The following MGAT4A variants were observed in gnomAD, a reference collection of about 807,000 sequenced individuals.
MGAT4A encodes the protein N-acetylglucosaminyltransferase IVa.
MGAT4A carries 33 observed loss-of-function variants against 74.1 expected under a neutral mutation model. The ratio of observed to expected loss-of-function variants is 0.45; its 90% CI spans 0.34 to 0.60. The LOEUF (loss-of-function observed/expected upper bound fraction) is 0.60. Among genes scored for constraint, MGAT4A ranks in the 20% least tolerant of loss-of-function variants. The pLI is 0.02. For missense variants in MGAT4A, 479 were observed against 628.3 expected (o/e 0.76, Z 2.54); for synonymous variants, 198 against 210.4 (o/e 0.94, Z 0.51).
At chr2:98,702,686 G>A (rs147237815) in intron 2 of MGAT4A, among the ~76,000 whole-genome samples, 10 of 152,290 alleles carry the variant, frequency 6.6e-5, no homozygotes, top group Non-Finnish European at 1.3e-4. Flanking sequence ...GAGCCCTACC[G>A]GCTCGAGGTG....
At chr2:98,645,392 T>C (rs768965313) in intron 9 of MGAT4A, 36 bp downstream of exon 9, 1 of 1,401,822 alleles carries the variant, frequency 7.1e-7, no homozygotes, top group Non-Finnish European at 9.7e-7. Flanking sequence ...GTCACAGTTA[T>C]TTATGAAAAG....
intron 2 of MGAT4A, among the ~76,000 whole-genome samples, chr2:98,709,544 C>T (rs1354460097): frequency 6.6e-6 from 1 of 152,090 alleles, no homozygotes; most frequent in Admixed American, 6.5e-5. Context: ...GTTTAACTTA[C>T]ACCAACTTAA....
chr2:98,684,094 G>T (rs1424143427), intron 2 of MGAT4A, among the ~76,000 whole-genome samples: 1 of 152,102 alleles, frequency 6.6e-6, no homozygotes, highest in South Asian at 2.1e-4. Flanking sequence ...ATTTTCCCTA[G>T]ACTTTTCTCC....
At chr2:98,663,487 A>C in intron 4 of MGAT4A, 5 of 1,391,602 alleles carry the variant, frequency 3.6e-6, no homozygotes, top group Non-Finnish European at 4.7e-6. Context: ...ACTTAAAAAC[A>C]CTAAACATAT....
Position 98,625,453 on chromosome 2 carries a change from C to A in MGAT4A, c.*113G>T. 6.6e-7 allele frequency: 1 copy of A among 1,525,564 alleles called. No homozygotes were observed. The highest frequency in any genetic ancestry group is 2.4e-5 in the East Asian group (1 of 42,444). 94.5% of individuals were successfully genotyped at this position (1,525,564 alleles called of 1,614,324 possible). The stretch of plus-strand genomic sequence containing the variant: ...CAAGTGGAAATGACAATCGTCTTAT[C>A]TACAGTAGACTTCACAAGAGGTAGT... On this transcript the variant is annotated 3_prime_UTR_variant, in exon 16 of 16. Transcript: ENST00000393487.
intron 1 of MGAT4A, among the ~76,000 whole-genome samples, chr2:98,727,467 C>T (rs1402937661): frequency 6.6e-6 from 1 of 152,158 alleles, no homozygotes; most frequent in Non-Finnish European, 1.5e-5. Context: ...TGAACAACAA[C>T]AAAACCAGCC....
At chr2:98,663,333 G>T in intron 4 of MGAT4A, 154 bp from the exon 5 acceptor site, 1 of 1,528,820 alleles carries the variant, frequency 6.5e-7, no homozygotes, top group South Asian at 1.2e-5. Flanking sequence ...AAGAATACAA[G>T]GGCATACCTG....
At chr2:98,630,455 GGAGAA>G (rs754050969) in intron 14 of MGAT4A, among the ~76,000 whole-genome samples, 1 of 151,786 alleles carries the variant, frequency 6.6e-6, no homozygotes, top group Non-Finnish European at 1.5e-5. Flanking sequence ...AGGTGTTGAA[GGAGAA>G]GAGAAGCTAT....
chr2:98,675,757 G>A (rs1363890995), intron 3 of MGAT4A, among the ~76,000 whole-genome samples: 1 of 152,112 alleles, frequency 6.6e-6, no homozygotes, highest in Non-Finnish European at 1.5e-5. Context: ...GTCTCACTAT[G>A]TTGCCCAGGC....
intron 2 of MGAT4A, among the ~76,000 whole-genome samples, chr2:98,693,652 G>C (rs1200480690): frequency 6.7e-6 from 1 of 148,250 alleles, no homozygotes; most frequent in Non-Finnish European, 1.5e-5. Context: ...AGGCTGTAGT[G>C]AGCTGTGACA....
intron 4 of MGAT4A, chr2:98,663,553 CACA>C: frequency 1.8e-5 from 19 of 1,040,258 alleles, no homozygotes; most frequent in Non-Finnish European, 2.5e-5. Flanking sequence ...CCGAGAAGAG[CACA>C]ACATCAGTTC....
intron 2 of MGAT4A, among the ~76,000 whole-genome samples, chr2:98,697,388 G>A (rs1473867392): frequency 6.6e-6 from 1 of 152,206 alleles, no homozygotes; most frequent in African/African-American, 2.4e-5. Context: ...AGGGGTTAGG[G>A]ATGATGGGGG....
chr2:98,709,397 A>G (rs945489328), intron 2 of MGAT4A, among the ~76,000 whole-genome samples: 7 of 152,218 alleles, frequency 4.6e-5, no homozygotes, highest in African/African-American at 1.4e-4. Context: ...AGGGGAAAAC[A>G]GGAATGGACA....
Position 98,619,362 on chromosome 2 carries a change from A to G in MGAT4A, c.*6204T>C, listed in dbSNP as rs1196132101. 1.3e-5 allele frequency: 2 copies of G among 152,396 alleles called. No individual in the cohort carries two copies. Among genetic ancestry groups the G allele is most frequent in the Non-Finnish European group, 2.9e-5 (2 of 68,030 alleles). 9.4% of individuals were successfully genotyped at this position (152,396 alleles called of 1,614,324 possible). Reference sequence around the variant, plus strand: ...CCAATGAAGACATTTTAAGGAAAATATATACAATACATTTAAGAAAAAAAA... The same window carrying G: ...CCAATGAAGACATTTTAAGGAAAATGTATACAATACATTTAAGAAAAAAAA... On this transcript the variant is annotated 3_prime_UTR_variant, in exon 16 of 16. Transcript: ENST00000393487.
At chr2:98,673,637 A>G (rs540012024) in intron 4 of MGAT4A, among the ~76,000 whole-genome samples, 8 of 152,306 alleles carry the variant, frequency 5.3e-5, no homozygotes, top group Middle Eastern at 3.4e-3. Flanking sequence ...CATGTAAACA[A>G]ATGGGATGGA....
intron 2 of MGAT4A, among the ~76,000 whole-genome samples, chr2:98,720,189 G>C (rs916321807): frequency 6.6e-6 from 1 of 152,186 alleles, no homozygotes; most frequent in Non-Finnish European, 1.5e-5. Flanking sequence ...ATCTCACGGG[G>C]CTAAGGAATG....
intron 8 of MGAT4A, among the ~76,000 whole-genome samples, chr2:98,653,282 C>G (rs760359074): frequency 8.5e-5 from 11 of 128,890 alleles, no homozygotes; most frequent in Non-Finnish European, 1.7e-4. Context: ...CAAACTAAAC[C>G]CAAAATTAGC....
At chr2:98,639,658 G>T in intron 12 of MGAT4A, 150 bp downstream of exon 12, 1 of 538,292 alleles carries the variant, frequency 1.9e-6, no homozygotes, top group Non-Finnish European at 3.2e-6. Flanking sequence ...TTTTATTATG[G>T]AGTTGTTTTA....
chr2:98,711,533 TTAATAA>T (rs1047090003), intron 2 of MGAT4A, among the ~76,000 whole-genome samples: 1 of 152,166 alleles, frequency 6.6e-6, no homozygotes, highest in Non-Finnish European at 1.5e-5. Flanking sequence ...GTATTGCTAA[TTAATAA>T]TAAGTTTAAA....
Sources: allele counts gnomAD v4.1 joint callset (sites outside exome capture counted in the v4.1 genomes callset), GRCh38; gene constraint gnomAD v4.1.1; transcripts MANE v1.5; gene names NCBI Gene and HGNC (gene_info 2026-07-23, HGNC 2026-07-21).